UBE3A: variants seen among roughly 807,000 people sequenced by gnomAD.
UBE3A encodes ubiquitin protein ligase E3A.
Under a neutral mutation model 83.4 loss-of-function variants are expected in UBE3A, and 6 were observed. The observed-to-expected ratio is 0.07, with a 90% CI of 0.04 to 0.14. The LOEUF is 0.14. Ranked by LOEUF, UBE3A falls within the 10% of genes least tolerant of loss-of-function variation. The probability of loss-of-function intolerance (pLI) is 1.00; values close to 1 mark genes in which losing one functional copy is unlikely to be tolerated. For missense variants in UBE3A, 456 were observed against 1,036.1 expected, an observed-to-expected ratio of 0.44 and a Z score of 7.69; for synonymous variants, 337 against 355.4, an observed-to-expected ratio of 0.95 and a Z score of 0.58.
At position 25,428,037 on chromosome 15, in the gene UBE3A, T is replaced by C. The variant is rs1268475436; in HGVS notation, c.-165+10452A>G. 3.9e-5 allele frequency among the ~76,000 whole-genome samples: 6 copies of C among 151,988 alleles called. No homozygotes were observed. The East Asian group carries it at 7.7e-4, about 20-fold the overall frequency. Reference sequence around the variant, plus strand: ...CTCATACATGGGCTAAAAAAGTATATCTCAAGAAGATAAGCATAGACTGGT... The same window carrying C: ...CTCATACATGGGCTAAAAAAGTATACCTCAAGAAGATAAGCATAGACTGGT... On this transcript the variant is annotated intron_variant, in intron 1 of 12. Transcript: ENST00000648336.
chr15:25,376,161 T>C (rs2081176104), intron 4 of UBE3A, among the ~76,000 whole-genome samples: 1 of 152,216 alleles, frequency 6.6e-6, no homozygotes, highest in Admixed American at 6.5e-5. Context: ...TGAGTCTATT[T>C]AAAGCATCAA....
chr15:25,371,975 T>G lies in UBE3A; in HGVS notation c.362-163A>C, dbSNP rs553226489. ...AATACTTAGATTCAGCAAACAAAAT[T>G]TAATGCTTACCTATTTTTTTCAATG... On this transcript the variant is annotated intron_variant, in intron 5 of 12. Coordinates refer to ENST00000648336, the MANE Select transcript of UBE3A (RefSeq NM_130839.5). The surrounding 1 kb of genome is among the most constrained non-coding windows in gnomAD (Gnocchi z 5.3). Among the ~76,000 whole-genome samples the G allele has an allele frequency of 6.6e-6, 1 of 152,242 alleles. No individual in the cohort carries two copies. The highest frequency in any genetic ancestry group is 2.1e-4 in the South Asian group (1 of 4,828).
intron 7 of UBE3A, 51 bp downstream of exon 7, chr15:25,360,332 A>G (rs1166353041): frequency 6.2e-7 from 1 of 1,608,732 alleles, no homozygotes; most frequent in African/African-American, 1.3e-5. Flanking sequence ...TAAACAAATA[A>G]CTAACTCAAA....
intron 11 of UBE3A, among the ~76,000 whole-genome samples, chr15:25,341,063 T>C (rs936937053): frequency 2.0e-5 from 3 of 151,946 alleles, no homozygotes; most frequent in East Asian, 3.9e-4. Flanking sequence ...CACTAGTTCA[T>C]AGCTAAATAA....
At chr15:25,340,956 A>ACTT (rs2074644371) in intron 11 of UBE3A, among the ~76,000 whole-genome samples, 1 of 152,180 alleles carries the variant, frequency 6.6e-6, no homozygotes, top group South Asian at 2.1e-4. Flanking sequence ...TTTTAATGAC[A>ACTT]CTTATGTTAG....
chr15:25,417,499 C>A (rs1297259131), intron 1 of UBE3A, among the ~76,000 whole-genome samples: 1 of 151,524 alleles, frequency 6.6e-6, no homozygotes, highest in Non-Finnish European at 1.5e-5. Flanking sequence ...AGAGAAAAAA[C>A]CAACCAACAA....
At chr15:25,398,142 T>C (rs1160001610) in intron 4 of UBE3A, among the ~76,000 whole-genome samples, 1 of 116,350 alleles carries the variant, frequency 8.6e-6, no homozygotes, top group Non-Finnish European at 1.6e-5. Context: ...CACTCCAGCC[T>C]GGGTGACAAA....
intron 2 of UBE3A, among the ~76,000 whole-genome samples, chr15:25,410,123 C>T (rs1156557723): frequency 1.3e-5 from 2 of 150,222 alleles, no homozygotes; most frequent in African/African-American, 5.0e-5. Flanking sequence ...TGCACATGTA[C>T]CCTAAAACTT....
chr15:25,390,293 G>GT (rs2084051551), intron 4 of UBE3A, among the ~76,000 whole-genome samples: 1 of 152,084 alleles, frequency 6.6e-6, no homozygotes, highest in South Asian at 2.1e-4. Flanking sequence ...GCACTCCCTA[G>GT]TATTTACAGA....
At chr15:25,407,368 G>C in intron 3 of UBE3A, 1 of 719,156 alleles carries the variant, frequency 1.4e-6, no homozygotes, top group Non-Finnish European at 1.7e-6. Flanking sequence ...CATGATGATA[G>C]GAAAATAAAA....
At chr15:25,359,660 G>A (rs749861843) in intron 7 of UBE3A, among the ~76,000 whole-genome samples, 5 of 152,042 alleles carry the variant, frequency 3.3e-5, no homozygotes, top group Admixed American at 6.6e-5. Context: ...TTACTAAGTG[G>A]TTATATTTAC....
At chr15:25,387,079 T>A (rs912294407) in intron 4 of UBE3A, among the ~76,000 whole-genome samples, 7 of 152,214 alleles carry the variant, frequency 4.6e-5, no homozygotes, top group Non-Finnish European at 1.0e-4. Context: ...TGCTTATGCA[T>A]ACAAATGCTC....
At chr15:25,403,266 C>A (rs1157156361) in intron 4 of UBE3A, among the ~76,000 whole-genome samples, 1 of 152,226 alleles carries the variant, frequency 6.6e-6, no homozygotes, top group Non-Finnish European at 1.5e-5. Flanking sequence ...TGATCCACTT[C>A]TTCACCCATT....
chr15:25,371,496 A>G lies in UBE3A; in HGVS notation c.678T>C (p.Pro226=). ...QGDNNLQKLG[P]DDVSVDIDAI... The stretch of plus-strand genomic sequence containing the variant: ...CATCAATATCCACAGACACATCATC[A>G]GGGCCTAATTTTTGCAAATTGTTGT... Residue 226 remains proline, a synonymous_variant, in exon 6 of 13, where the codon CCT becomes CCC. Transcript: ENST00000648336. This position sits in a 1 kb window ranked among gnomAD's most constrained non-coding sequence, Gnocchi z 5.3. 1 of 1,614,122 alleles carries G rather than the reference A, an allele frequency of 6.2e-7. No homozygotes were observed. The highest frequency in any genetic ancestry group is 8.5e-7 in the Non-Finnish European group (1 of 1,180,022).
At chr15:25,357,023 A>T in intron 7 of UBE3A, 127 bp from the exon 8 acceptor site, 1 of 781,418 alleles carries the variant, frequency 1.3e-6, no homozygotes, top group South Asian at 1.9e-5. Context: ...TAGGCATGCA[A>T]CATTGATTTC....
intron 1 of UBE3A, among the ~76,000 whole-genome samples, chr15:25,429,619 C>G (rs1892462535): frequency 6.6e-6 from 1 of 152,128 alleles, no homozygotes; most frequent in South Asian, 2.1e-4. Flanking sequence ...GACGCCAAGG[C>G]AGGAGGATCA....
chr15:25,430,673 T>C (rs1893194566), intron 1 of UBE3A, among the ~76,000 whole-genome samples: 1 of 152,124 alleles, frequency 6.6e-6, no homozygotes, highest in African/African-American at 2.4e-5. Flanking sequence ...AAGTAGTTCA[T>C]GCATCCAGCA....
At chr15:25,357,532 G>C (rs2077389319) in intron 7 of UBE3A, 1 of 152,272 alleles carries the variant, frequency 6.6e-6, no homozygotes, top group Non-Finnish European at 1.5e-5. Context: ...ATTTTTAGTA[G>C]AGAAGGGGTT....
Position 25,370,915 on chromosome 15 carries a change from G to A in UBE3A, c.1259C>T (p.Pro420Leu). 6.2e-7 allele frequency: 1 copy of A among 1,614,052 alleles called. No homozygotes were observed. Among genetic ancestry groups the A allele is most frequent in the Non-Finnish European group, 8.5e-7 (1 of 1,179,996 alleles). The change falls in exon 6 of 13, where the codon CCT becomes CTT. Residue 420 changes from proline (P) to leucine (L), a missense_variant. Pro to Leu is a moderately conservative substitution (Grantham distance 98). This residue lies in a region of UBE3A where 85 missense variants were observed against 137.0 expected (regional missense o/e 0.62). Transcript: ENST00000648336. The surrounding 1 kb of genome is among the most constrained non-coding windows in gnomAD (Gnocchi z 4.2). Reference protein sequence around the residue: ...LGEERRNKKGPRVDPLETELG... With the variant: ...LGEERRNKKGLRVDPLETELG... ...TTCAGTTTCCAGGGGGTCCACTCGA[G>A]GACCTTTCTTGTTTCTTCTTTCTTC...
Sources: gnomAD v4.1 joint callset for allele counts (sites outside exome capture counted in the v4.1 genomes callset) on GRCh38, gnomAD v4.1.1 for gene constraint, gnomAD v4.1.1 regional missense constraint, Gnocchi (gnomAD v3.1) non-coding constraint, MANE v1.5 for transcripts, NCBI Gene and HGNC (gene_info 2026-07-23, HGNC 2026-07-21) for gene names.